Variants in CCSER1 observed in about 807,000 individuals in gnomAD.
CCSER1 encodes the protein coiled-coil serine rich protein 1.
In CCSER1, 41 loss-of-function variants were observed where a neutral mutation model predicts 82.0. That is an observed-to-expected ratio of 0.50 (90% CI 0.39 to 0.65). The LOEUF is 0.65. Among genes scored for constraint, CCSER1 ranks in the 30% least tolerant of loss-of-function variants. CCSER1 has a pLI of 0.00. For synonymous variants in CCSER1, 414 were observed against 383.9 expected (o/e 1.08, Z -0.92); for missense variants, 1,119 against 1,064.2 (o/e 1.05, Z -0.72).
chr4:91,273,955 ATTAT>A (rs1175388354), intron 10 of CCSER1, among the ~76,000 whole-genome samples: 1 of 152,180 alleles, frequency 6.6e-6, no homozygotes, highest in African/African-American at 2.4e-5. Flanking sequence ...GTAATATCTG[ATTAT>A]TTGTCACTCC....
chr4:91,141,446 C>G (rs969898032), intron 10 of CCSER1, among the ~76,000 whole-genome samples: 5 of 152,184 alleles, frequency 3.3e-5, no homozygotes, highest in African/African-American at 1.2e-4. Flanking sequence ...ACCACCATGC[C>G]TGGCCCAATT....
At chr4:90,274,136 T>A (rs1727100279) in intron 1 of CCSER1, among the ~76,000 whole-genome samples, 1 of 152,166 alleles carries the variant, frequency 6.6e-6, no homozygotes, top group South Asian at 2.1e-4. Flanking sequence ...TCATTTCATG[T>A]CCAAACTCCC....
chr4:90,940,121 A>G (rs986044190), intron 9 of CCSER1, among the ~76,000 whole-genome samples: 3 of 152,190 alleles, frequency 2.0e-5, no homozygotes, highest in African/African-American at 7.2e-5. Context: ...AATAATTTGT[A>G]TTAGCAACTG....
chr4:91,184,031 G>C (rs548964159), intron 10 of CCSER1, among the ~76,000 whole-genome samples: 42 of 152,312 alleles, frequency 2.8e-4, no homozygotes, highest in African/African-American at 9.6e-4. Flanking sequence ...AGGTCCCCAA[G>C]TAGGAGTAAG....
chr4:90,785,432 G>T (rs1754368673), intron 7 of CCSER1, among the ~76,000 whole-genome samples: 2 of 152,218 alleles, frequency 1.3e-5, no homozygotes, highest in African/African-American at 4.8e-5. Flanking sequence ...TAGATGTTGT[G>T]CAGCTGGATA....
intron 4 of CCSER1, among the ~76,000 whole-genome samples, chr4:90,408,188 G>A (rs1754053952): frequency 6.6e-6 from 1 of 152,208 alleles, no homozygotes; most frequent in African/African-American, 2.4e-5. Flanking sequence ...GCCTGCCTCT[G>A]TAGGCTCCAC....
At chr4:90,257,653 T>G (rs572194790) in intron 1 of CCSER1, among the ~76,000 whole-genome samples, 3 of 152,296 alleles carry the variant, frequency 2.0e-5, no homozygotes, top group Admixed American at 2.0e-4. Context: ...AATGTTTATT[T>G]ATTATAAGGA....
intron 5 of CCSER1, among the ~76,000 whole-genome samples, chr4:90,608,358 C>G (rs1785008522): frequency 6.6e-6 from 1 of 152,244 alleles, no homozygotes; most frequent in African/African-American, 2.4e-5. Flanking sequence ...CTCAAAAGGA[C>G]CATACCTTTC....
rs143916953 is a variant in CCSER1, at chr4:91,476,107, G to A, written c.2218-122465G>A. On this transcript the variant is annotated intron_variant, in intron 10 of 10. Coordinates refer to ENST00000509176, the MANE Select transcript of CCSER1 (RefSeq NM_001145065.2). The stretch of plus-strand genomic sequence containing the variant: ...ATAGCACTGCAATAAATATGGAAGT[G>A]CAGGTATTGCTTCAATATACTGATT... Among the ~76,000 whole-genome samples, 8 of 151,910 alleles carry A rather than the reference G, an allele frequency of 5.3e-5. No homozygotes were observed. The East Asian group carries it at 1.5e-3, about 29-fold the overall frequency.
chr4:90,512,847 A>G (rs2153618781), intron 5 of CCSER1, among the ~76,000 whole-genome samples: 1 of 152,332 alleles, frequency 6.6e-6, no homozygotes, highest in African/African-American at 2.4e-5. Flanking sequence ...TCACAAAAAT[A>G]ATTTGTGTAA....
chr4:90,556,641 AAAG>A (rs1207692683), intron 5 of CCSER1, among the ~76,000 whole-genome samples: 1 of 151,992 alleles, frequency 6.6e-6, no homozygotes, highest in Non-Finnish European at 1.5e-5. Context: ...AAGCTAGAGA[AAAG>A]AAAATATTAT....
intron 6 of CCSER1, among the ~76,000 whole-genome samples, chr4:90,652,753 C>T (rs1379944926): frequency 6.6e-6 from 1 of 152,090 alleles, no homozygotes; most frequent in Non-Finnish European, 1.5e-5. Context: ...AATCTCTATT[C>T]CCCATTCAAT....
intron 6 of CCSER1, among the ~76,000 whole-genome samples, chr4:90,691,530 A>G (rs1002806729): frequency 1.3e-5 from 2 of 148,736 alleles, no homozygotes; most frequent in Admixed American, 6.8e-5. Context: ...TACATATCAC[A>G]CGTATAATAC....
chr4:91,094,543 C>T (rs751431152), intron 10 of CCSER1, among the ~76,000 whole-genome samples: 6 of 152,214 alleles, frequency 3.9e-5, no homozygotes, highest in Non-Finnish European at 7.4e-5. Context: ...GGGGGGTGTT[C>T]CATGGAGATT....
chr4:91,163,060 T>C (rs891108493), intron 10 of CCSER1, among the ~76,000 whole-genome samples: 1 of 152,250 alleles, frequency 6.6e-6, no homozygotes, highest in Non-Finnish European at 1.5e-5. Flanking sequence ...CTTTCTCTTG[T>C]GGGCATTTAG....
chr4:91,534,465 A>C (rs1043116440), intron 10 of CCSER1, among the ~76,000 whole-genome samples: 4 of 152,078 alleles, frequency 2.6e-5, no homozygotes, highest in Non-Finnish European at 5.9e-5. Context: ...CTTGCTTTCT[A>C]TCATGGGCAA....
intron 10 of CCSER1, among the ~76,000 whole-genome samples, chr4:91,482,550 T>C (rs1011335199): frequency 6.6e-6 from 1 of 151,716 alleles, no homozygotes; most frequent in African/African-American, 2.4e-5. Flanking sequence ...TCCTCAAGGA[T>C]CTAGAACTAG....
chr4:90,956,943 C>CAT (rs1175656316), intron 9 of CCSER1, among the ~76,000 whole-genome samples: 1 of 73,916 alleles, frequency 1.4e-5, no homozygotes, highest in Non-Finnish European at 3.2e-5. Flanking sequence ...CCACAACCAG[C>CAT]CTTTTTTTTT....
At position 91,397,359 on chromosome 4, in the gene CCSER1, G is replaced by A. The variant is rs189386761; in HGVS notation, c.2218-201213G>A. Among the ~76,000 whole-genome samples the A allele has an allele frequency of 7.9e-5, 12 of 152,080 alleles. No homozygotes were observed. The East Asian group carries it at 2.3e-3, about 29-fold the overall frequency. ...CCATAATAAATGGATTACATAAGAA[G>A]ATGTACCTAACATAGCCTTTATGCT... On this transcript the variant is annotated intron_variant, in intron 10 of 10. Coordinates refer to ENST00000509176, the MANE Select transcript of CCSER1 (RefSeq NM_001145065.2).
Sources: allele counts gnomAD v4.1 joint callset (sites outside exome capture counted in the v4.1 genomes callset), GRCh38; gene constraint gnomAD v4.1.1; transcripts MANE v1.5; gene names NCBI Gene and HGNC (gene_info 2026-07-23, HGNC 2026-07-21).